Variants in UBE2L3 observed in about 807,000 individuals in gnomAD.
The protein encoded by UBE2L3 is ubiquitin conjugating enzyme E2 L3.
UBE2L3 carries 1 observed loss-of-function variant against 17.8 expected under a neutral mutation model. The observed-to-expected ratio is 0.06, with a 90% CI of 0.02 to 0.27. UBE2L3 has a LOEUF of 0.27. UBE2L3 is among the 10% of genes least tolerant of loss of function. The pLI is 1.00. For synonymous variants in UBE2L3, 44 were observed against 68.5 expected (o/e 0.64, Z 1.76); for missense variants, 40 against 192.6 (o/e 0.21, Z 4.69).
chr22:21,602,359 G>A (rs1423227442), intron 2 of UBE2L3, among the ~76,000 whole-genome samples: 3 of 152,184 alleles, frequency 2.0e-5, no homozygotes, highest in Admixed American at 6.5e-5. Context: ...CCACAAGGAC[G>A]TGCCATGTAG....
At chr22:21,600,913 T>A (rs1928821662) in intron 2 of UBE2L3, among the ~76,000 whole-genome samples, 1 of 152,090 alleles carries the variant, frequency 6.6e-6, no homozygotes, top group African/African-American at 2.4e-5. Context: ...CTGACACCTG[T>A]AATCCCAGCA....
chr22:21,566,528 G>C (rs59391722), upstream of UBE2L3, among the ~76,000 whole-genome samples: 27,898 of 151,466 alleles, frequency 0.18, 3,419 homozygotes, highest in East Asian at 0.41. Context: ...CGAGGCGGCA[G>C]TGAGCTGTTA....
chr22:21,593,047 C>G, intron 2 of UBE2L3, 91 bp downstream of exon 2: 3 of 1,126,416 alleles, frequency 2.7e-6, no homozygotes, highest in East Asian at 4.8e-5. Context: ...TTAGTAGGCT[C>G]TTAGTCTAGG....
intron 3 of UBE2L3, among the ~76,000 whole-genome samples, chr22:21,611,915 A>G (rs1186168525): frequency 1.3e-5 from 2 of 152,092 alleles, no homozygotes; most frequent in African/African-American, 4.8e-5. Flanking sequence ...GTGCTGCTCT[A>G]GGGTAGGGGC....
rs147984501 is a variant in UBE2L3 at position 21,621,427 on chromosome 22, CAG to C, written c.311-85_311-84del. The stretch of plus-strand genomic sequence containing the variant: ...ATTAGCTGTAAATCAGTTGTAAAGC[CAG>C]AGTTTTGTTCCCGGATTAGCTGCCT... On this transcript the variant is annotated intron_variant, in intron 3 of 3. Coordinates refer to ENST00000342192, the MANE Select transcript of UBE2L3 (RefSeq NM_003347.4). 3.6e-3 allele frequency: 5,204 copies of C among 1,457,778 alleles called. 14 individuals carry two copies. The highest frequency in any genetic ancestry group is 4.5e-3 in the Non-Finnish European group (4,961 of 1,097,300). 90.3% of individuals were successfully genotyped at this position (1,457,778 alleles called of 1,614,324 possible).
chr22:21,606,620 T>C (rs889053393), intron 2 of UBE2L3, among the ~76,000 whole-genome samples: 15 of 152,138 alleles, frequency 9.9e-5, no homozygotes, highest in African/African-American at 3.4e-4. Flanking sequence ...TCCAGCACTT[T>C]GGGAGGATCA....
At chr22:21,615,033 TAATCCCA>T (rs1296457946) in intron 3 of UBE2L3, among the ~76,000 whole-genome samples, 65 of 152,200 alleles carry the variant, frequency 4.3e-4, no homozygotes, top group African/African-American at 1.5e-3. Flanking sequence ...CGGGCGCCTG[TAATCCCA>T]GCTACATGGG....
intron 2 of UBE2L3, among the ~76,000 whole-genome samples, chr22:21,595,686 G>A (rs1282021046): frequency 6.6e-6 from 1 of 152,086 alleles, no homozygotes; most frequent in Admixed American, 6.6e-5. Flanking sequence ...CATCTAAGAT[G>A]CTAAGGTAAC....
chr22:21,567,673 A>G, upstream of UBE2L3: 3 of 1,551,678 alleles, frequency 1.9e-6, no homozygotes, highest in Non-Finnish European at 2.6e-6. Context: ...CCCCCGCTCC[A>G]GGAAGTGCGG....
Position 21,622,395 on chromosome 22 carries a change from G to C in UBE2L3, c.*726G>C, listed in dbSNP as rs905627640. The stretch of plus-strand genomic sequence containing the variant: ...TGCACAGAGAAGCCCTATAATCACA[G>C]GTCTGTGGTGGCCCCGAAATGGGGG... On this transcript the variant is annotated 3_prime_UTR_variant, in exon 4 of 4. Transcript: ENST00000342192. The C allele has an allele frequency of 6.5e-6, 1 of 152,904 alleles. No homozygotes were observed. The highest frequency in any genetic ancestry group is 2.4e-5 in the African/African-American group (1 of 41,454). The allele number at this position is 152,904 out of a possible 1,614,324, so 9.5% of individuals were successfully genotyped here. A position where few individuals can be genotyped will look rare whatever the true frequency, so the allele number is the denominator to read the frequency against.
At chr22:21,610,493 TG>T (rs1929421894) in intron 2 of UBE2L3, among the ~76,000 whole-genome samples, 2 of 152,182 alleles carry the variant, frequency 1.3e-5, no homozygotes, top group Non-Finnish European at 2.9e-5. Context: ...TTTGCCCCTC[TG>T]GTGAGGGATG....
rs140497 is a variant in UBE2L3, at chr22:21,572,422, C to CAAAA, written c.27+4667_27+4670dup. 4.6e-4 allele frequency among the ~76,000 whole-genome samples: 48 copies of CAAAA among 104,692 alleles called. No individual in the cohort carries two copies. In the East Asian group the frequency reaches 5.4e-3, roughly 12 times the overall value. The allele number at this position is 104,692 out of a possible 152,430, so 68.7% of individuals were successfully genotyped here. A position where few individuals can be genotyped will look rare whatever the true frequency, so the allele number is the denominator to read the frequency against. On this transcript the variant is annotated intron_variant, in intron 1 of 3. Coordinates refer to ENST00000342192, the MANE Select transcript of UBE2L3 (RefSeq NM_003347.4). ...TGCATTCCAGTGCGAGACTCCGTCT[C>CAAAA]AAAAAAAAAAAAAAAAAAAGAAAAC...
chr22:21,579,114 C>T (rs994714150), intron 1 of UBE2L3, among the ~76,000 whole-genome samples: 2 of 151,910 alleles, frequency 1.3e-5, no homozygotes, highest in African/African-American at 2.4e-5. Context: ...CCTCAGCCTC[C>T]CGAGTAGCTG....
intron 1 of UBE2L3, among the ~76,000 whole-genome samples, chr22:21,589,022 G>A (rs570660222): frequency 2.0e-5 from 3 of 152,100 alleles, no homozygotes; most frequent in Non-Finnish European, 4.4e-5. Context: ...TTGAATTCCT[G>A]GGCTCAAGCA....
chr22:21,599,171 G>A (rs1046061607), intron 2 of UBE2L3, among the ~76,000 whole-genome samples: 2 of 152,018 alleles, frequency 1.3e-5, no homozygotes, highest in African/African-American at 2.4e-5. Context: ...CACGCCCTCC[G>A]GATGCCTCAT....
chr22:21,607,760 G>A (rs1165483659), intron 2 of UBE2L3, among the ~76,000 whole-genome samples: 1 of 152,158 alleles, frequency 6.6e-6, no homozygotes. Flanking sequence ...TGGTTTTCGG[G>A]TGGTTCTAGG....
intron 1 of UBE2L3, among the ~76,000 whole-genome samples, chr22:21,590,173 G>T (rs538965120): frequency 6.6e-6 from 1 of 152,162 alleles, no homozygotes; most frequent in East Asian, 1.9e-4. Context: ...TTTACCTTGT[G>T]TTTATCATCC....
intron 1 of UBE2L3, among the ~76,000 whole-genome samples, chr22:21,558,380 C>T (rs1459351120): frequency 6.6e-6 from 1 of 152,256 alleles, no homozygotes; most frequent in African/African-American, 2.4e-5. Flanking sequence ...CGCCTGTAAT[C>T]CCAGCACTTT....
At position 21,621,897 on chromosome 22, in the gene UBE2L3, A is replaced by T. The variant is rs1930052088; in HGVS notation, c.*228A>T. 2.1e-6 allele frequency: 1 copy of T among 466,614 alleles called. No homozygotes were observed. Among genetic ancestry groups the T allele is most frequent in the Non-Finnish European group, 3.7e-6 (1 of 267,144 alleles). The allele number at this position is 466,614 out of a possible 1,614,324, so 28.9% of individuals were successfully genotyped here. A position where few individuals can be genotyped will look rare whatever the true frequency, so the allele number is the denominator to read the frequency against. On this transcript the variant is annotated 3_prime_UTR_variant, in exon 4 of 4. Transcript: ENST00000342192. Reference sequence around the variant, plus strand: ...TAGTTCTGCTCTCTTTGTTTTAAAAATCACTGCTTCAATCTACTTCAAAAG... The same window carrying T: ...TAGTTCTGCTCTCTTTGTTTTAAAATTCACTGCTTCAATCTACTTCAAAAG...
Sources: allele counts gnomAD v4.1 joint callset (sites outside exome capture counted in the v4.1 genomes callset), GRCh38; gene constraint gnomAD v4.1.1; transcripts MANE v1.5; gene names NCBI Gene and HGNC (gene_info 2026-07-23, HGNC 2026-07-21).